CCDC88C: variants seen among roughly 807,000 people sequenced by gnomAD.
CCDC88C encodes protein Daple.
CCDC88C carries 131 observed loss-of-function variants against 198.8 expected under a neutral mutation model. The observed-to-expected ratio is 0.66, with a 90% CI of 0.57 to 0.76. The LOEUF is 0.76. CCDC88C is among the 30% of genes least tolerant of loss of function. CCDC88C has a pLI of 0.00. For synonymous variants in CCDC88C, 1,166 were observed against 1,114.7 expected, an observed-to-expected ratio of 1.05 and a Z score of -0.92; for missense variants, 2,553 against 2,631.6, an observed-to-expected ratio of 0.97 and a Z score of 0.65.
At chr14:91,368,490 T>C (rs533192316) in intron 3 of CCDC88C, among the ~76,000 whole-genome samples, 2 of 152,324 alleles carry the variant, frequency 1.3e-5, no homozygotes, top group Non-Finnish European at 2.9e-5. Context: ...ATGCAATAGT[T>C]TTATGAGCAA....
intron 21 of CCDC88C, 70 bp downstream of exon 21, chr14:91,299,857 T>C (rs150719872): frequency 2.7e-6 from 4 of 1,458,446 alleles, no homozygotes; most frequent in African/African-American, 1.4e-5. Flanking sequence ...TTCTCAGTGG[T>C]TGCTATGCAA....
At chr14:91,354,783 C>A (rs1429796576) in intron 4 of CCDC88C, among the ~76,000 whole-genome samples, 1 of 152,154 alleles carries the variant, frequency 6.6e-6, no homozygotes, top group Non-Finnish European at 1.5e-5. Context: ...ACAACAACAA[C>A]AAAAAACCCC....
intron 13 of CCDC88C, among the ~76,000 whole-genome samples, chr14:91,318,565 G>C (rs904950181): frequency 1.3e-4 from 20 of 152,182 alleles, no homozygotes; most frequent in African/African-American, 3.9e-4. Flanking sequence ...CAAGAGTGAG[G>C]AGCCTCGTAG....
At chr14:91,390,486 T>A (rs1023845667) in intron 3 of CCDC88C, among the ~76,000 whole-genome samples, 13 of 152,182 alleles carry the variant, frequency 8.5e-5, no homozygotes, top group African/African-American at 3.1e-4. Context: ...CATTAAAGCC[T>A]CCCATCACAG....
Position 91,272,303 on chromosome 14 carries a change from A to G in CCDC88C, c.*322T>C. On this transcript the variant is annotated 3_prime_UTR_variant, in exon 30 of 30. Coordinates refer to ENST00000389857, the MANE Select transcript of CCDC88C (RefSeq NM_001080414.4). The stretch of plus-strand genomic sequence containing the variant: ...TTGCAAATGAGTGTTCTACTGGGAC[A>G]TACTGGAGTAGTGTCTGCTTTGGGG... 1 of 349,532 alleles carries G rather than the reference A, an allele frequency of 2.9e-6. No homozygotes were observed. The highest frequency in any genetic ancestry group is 5.3e-6 in the Non-Finnish European group (1 of 188,892). 21.7% of individuals were successfully genotyped at this position (349,532 alleles called of 1,614,324 possible).
intron 3 of CCDC88C, among the ~76,000 whole-genome samples, chr14:91,405,070 G>A (rs1886411309): frequency 6.6e-6 from 1 of 152,152 alleles, no homozygotes; most frequent in Non-Finnish European, 1.5e-5. Flanking sequence ...AGACCCCGGT[G>A]GTGGGATAGG....
rs961701227 is a variant in CCDC88C, at chr14:91,352,314, C to T, written c.340+7328G>A. Reference sequence around the variant, plus strand: ...GGTGCTTGGAGGCCGGCGTGTGGGCCGCACTGTGACGCTCGGCTGGGCTTG... The same window carrying T: ...GGTGCTTGGAGGCCGGCGTGTGGGCTGCACTGTGACGCTCGGCTGGGCTTG... On this transcript the variant is annotated intron_variant, in intron 4 of 29. Transcript: ENST00000389857. This position sits in a 1 kb window ranked among gnomAD's most constrained non-coding sequence, Gnocchi z 4.2. 5.3e-5 allele frequency among the ~76,000 whole-genome samples: 8 copies of T among 152,138 alleles called. No individual in the cohort carries two copies. Among genetic ancestry groups the T allele is most frequent in the African/African-American group, 1.7e-4 (7 of 41,436 alleles).
At chr14:91,393,798 G>C (rs926922048) in intron 3 of CCDC88C, among the ~76,000 whole-genome samples, 1 of 152,206 alleles carries the variant, frequency 6.6e-6, no homozygotes, top group African/African-American at 2.4e-5. Flanking sequence ...AGGTTGCAGT[G>C]AGCCGAGATC....
intron 15 of CCDC88C, among the ~76,000 whole-genome samples, chr14:91,310,913 C>T (rs1022306350): frequency 3.3e-5 from 5 of 152,176 alleles, no homozygotes; most frequent in African/African-American, 4.8e-5. Flanking sequence ...ATGCTCATTA[C>T]CTGCTCCCCC....
chr14:91,373,324 G>C (rs946194288), intron 3 of CCDC88C, among the ~76,000 whole-genome samples: 1 of 152,156 alleles, frequency 6.6e-6, no homozygotes, highest in African/African-American at 2.4e-5. Context: ...GGCAGGTCTG[G>C]CCCTGGGAGC....
At chr14:91,298,678 G>A (rs1490532839) in intron 21 of CCDC88C, among the ~76,000 whole-genome samples, 6 of 152,210 alleles carry the variant, frequency 3.9e-5, no homozygotes, top group Non-Finnish European at 5.9e-5. Flanking sequence ...TGCTGGAGCC[G>A]ATTCTCTGCT....
chr14:91,312,026 A>T (rs1209364244), intron 15 of CCDC88C, among the ~76,000 whole-genome samples: 2 of 151,984 alleles, frequency 1.3e-5, no homozygotes, highest in Admixed American at 1.3e-4. Context: ...AAAAAATAAT[A>T]AAAATAAAAT....
intron 19 of CCDC88C, among the ~76,000 whole-genome samples, chr14:91,304,596 G>A (rs528725397): frequency 1.3e-5 from 2 of 151,794 alleles, no homozygotes; most frequent in East Asian, 3.9e-4. Context: ...CTCTTACAAT[G>A]AAAACAGAAC....
chr14:91,345,123 G>A (rs1431626110), intron 4 of CCDC88C, among the ~76,000 whole-genome samples: 1 of 145,208 alleles, frequency 6.9e-6, no homozygotes, highest in East Asian at 2.0e-4. Context: ...TGTAAATCAA[G>A]GCCAGTAACT....
At chr14:91,347,711 C>T (rs375854008) in intron 4 of CCDC88C, among the ~76,000 whole-genome samples, 5 of 151,984 alleles carry the variant, frequency 3.3e-5, no homozygotes, top group African/African-American at 9.7e-5. Context: ...TGTGGAGAAA[C>T]AGGAACACTT....
chr14:91,313,107 A>G lies in CCDC88C; in HGVS notation c.2709T>C (p.His903=). 1.3e-6 allele frequency: 2 copies of G among 1,598,924 alleles called. No homozygotes were observed. Among genetic ancestry groups the G allele is most frequent in the South Asian group, 1.1e-5 (1 of 89,748 alleles). Residue 903 remains histidine (H), a synonymous_variant, in exon 15 of 30, where the codon CAT becomes CAC. Coordinates refer to ENST00000389857, the MANE Select transcript of CCDC88C (RefSeq NM_001080414.4). This position sits in a 1 kb window ranked among gnomAD's most constrained non-coding sequence, Gnocchi z 5.2. Reference sequence around the variant, plus strand: ...CCCTCAGAGTTGTCAGTGTCCTTGCATGCACGGTGACTTGCTTGGTGAGGT... The same window carrying G: ...CCCTCAGAGTTGTCAGTGTCCTTGCGTGCACGGTGACTTGCTTGGTGAGGT... ...NRDLTKQVTV[H]ARTLTTLRED...
At chr14:91,412,338 G>A (rs1886832301) in intron 2 of CCDC88C, among the ~76,000 whole-genome samples, 1 of 152,026 alleles carries the variant, frequency 6.6e-6, no homozygotes, top group East Asian at 1.9e-4. Context: ...CTAGAATATT[G>A]ACATTGCTAC....
At chr14:91,311,149 TCCCTGAAGGGTC>T (rs1238111233) in intron 15 of CCDC88C, among the ~76,000 whole-genome samples, 1 of 152,174 alleles carries the variant, frequency 6.6e-6, no homozygotes, top group African/African-American at 2.4e-5. Flanking sequence ...GAGGACAGAC[TCCCTGAAGGGTC>T]CCCTGGACTC....
chr14:91,278,015 G>A lies in CCDC88C; in HGVS notation c.4965C>T (p.Tyr1655=), dbSNP rs374933359. 6.3e-5 allele frequency: 101 copies of A among 1,595,834 alleles called. No homozygotes were observed. Among genetic ancestry groups the A allele is most frequent in the African/African-American group, 5.8e-4 (43 of 74,646 alleles). ...GAQKRGTAPP[Y]VGVRPCSASP... The stretch of plus-strand genomic sequence containing the variant: ...AGGCCGAGCAGGGCCGCACTCCGAC[G>A]TAGGGAGGGGCTGTGCCCCTCTTCT... Residue 1655 remains tyrosine, a synonymous_variant, in exon 29 of 30, where the codon TAC becomes TAT. Transcript: ENST00000389857.
Sources: gnomAD v4.1 joint callset for allele counts (sites outside exome capture counted in the v4.1 genomes callset) on GRCh38, gnomAD v4.1.1 for gene constraint, Gnocchi (gnomAD v3.1) non-coding constraint, MANE v1.5 for transcripts, NCBI Gene and HGNC (gene_info 2026-07-23, HGNC 2026-07-21) for gene names.